STRN: variants seen among roughly 807,000 people sequenced by gnomAD.
STRN encodes the protein protein phosphatase 2 regulatory subunit B'''alpha.
Under a neutral mutation model 96.3 loss-of-function variants are expected in STRN, and 53 were observed. The ratio of observed to expected loss-of-function variants is 0.55; its 90% confidence interval spans 0.44 to 0.69. STRN has a LOEUF of 0.69. STRN is among the 30% of genes least tolerant of loss of function. The probability of loss-of-function intolerance (pLI) is 0.00; values close to 1 mark genes in which losing one functional copy is unlikely to be tolerated. For synonymous variants in STRN, 428 were observed against 355.9 expected (o/e 1.20, Z -2.28); for missense variants, 987 against 963.9 (o/e 1.02, Z -0.32).
rs1668886191 is a variant in STRN at position 36,875,669 on chromosome 2, T to TC, written c.1323+2221_1323+2222insG. ...TTGGAAATAGAAATGATTTTTTTTT[T>TC]TTTTTGAGAGGGAGTCTCGCTCTAT... On this transcript the variant is annotated intron_variant, in intron 10 of 17. Transcript: ENST00000263918. Among the ~76,000 whole-genome samples the TC allele has an allele frequency of 2.0e-5, 3 of 151,340 alleles. No homozygotes were observed. In the South Asian group the frequency reaches 6.3e-4, roughly 32 times the overall value.
intron 1 of STRN, among the ~76,000 whole-genome samples, chr2:36,932,165 CT>C (rs1049076262): frequency 2.0e-5 from 3 of 149,642 alleles, no homozygotes; most frequent in Non-Finnish European, 4.5e-5. Context: ...GCTAGTTTTA[CT>C]TTTTTTTTGA....
chr2:36,869,450 A>G (rs1668709778), intron 11 of STRN, 104 bp downstream of exon 11: 4 of 1,087,038 alleles, frequency 3.7e-6, no homozygotes, highest in Non-Finnish European at 2.5e-6. Flanking sequence ...AGAAAGAACT[A>G]GAAGAAATGT....
In STRN at chr2:36,849,214, T is replaced by A. The variant is rs577864386; in HGVS notation, c.*242A>T. ...ACCACCTCAGAAATAAAGGCGCCTA[T>A]TGGGGAGAAATTTGAAACAGACCTC... On this transcript the variant is annotated 3_prime_UTR_variant, in exon 18 of 18. Coordinates refer to ENST00000263918, the MANE Select transcript of STRN (RefSeq NM_003162.4). 1.3e-5 allele frequency: 6 copies of A among 469,038 alleles called. No homozygotes were observed. In the South Asian group the frequency reaches 2.0e-4, roughly 16 times the overall value. The allele number at this position is 469,038 out of a possible 1,614,324, so 29.1% of individuals were successfully genotyped here.
chr2:36,858,374 A>G (rs889910638), intron 13 of STRN, among the ~76,000 whole-genome samples: 4 of 150,942 alleles, frequency 2.7e-5, no homozygotes, highest in African/African-American at 7.4e-5. Flanking sequence ...ACCACAACTC[A>G]CACTCCCTGA....
chr2:36,846,387 T>TTTTATATATATATA lies in STRN; in HGVS notation c.*3068_*3069insTATATATATATAAA, dbSNP rs1314756009. 4.2e-4 allele frequency: 33 copies of TTTTATATATATATA among 78,340 alleles called. No homozygotes were observed. The highest frequency in any genetic ancestry group is 5.8e-4 in the Non-Finnish European group (27 of 46,194). The allele number at this position is 78,340 out of a possible 1,614,324, so 4.9% of individuals were successfully genotyped here. On this transcript the variant is annotated 3_prime_UTR_variant, in exon 18 of 18. Transcript: ENST00000263918. ...CAAAACAGTAAAATGCACCTATGGT[T>TTTTATATATATATA]TATATATATATATATATATATATAT...
At chr2:36,879,035 G>A (rs1173254442) in intron 9 of STRN, among the ~76,000 whole-genome samples, 3 of 151,770 alleles carry the variant, frequency 2.0e-5, no homozygotes, top group Non-Finnish European at 4.4e-5. Flanking sequence ...TTACAGGCAT[G>A]AGCCACTGCA....
intron 6 of STRN, among the ~76,000 whole-genome samples, chr2:36,896,449 A>G (rs1290226297): frequency 6.6e-6 from 1 of 152,224 alleles, no homozygotes; most frequent in Non-Finnish European, 1.5e-5. Context: ...CAGAATCGGA[A>G]GAGGTAGAGT....
At position 36,846,289 on chromosome 2, in the gene STRN, C is replaced by T. The variant is rs1668071445; in HGVS notation, c.*3167G>A. On this transcript the variant is annotated 3_prime_UTR_variant, in exon 18 of 18. Transcript: ENST00000263918. ...ACACTTAGAACTATATATTATACTG[C>T]AAAAGCAAACAGCACAACACTCATC... 6.8e-6 allele frequency: 1 copy of T among 146,524 alleles called. No individual in the cohort carries two copies. The highest frequency in any genetic ancestry group is 2.1e-4 in the South Asian group (1 of 4,718). The allele number at this position is 146,524 out of a possible 1,614,324, so 9.1% of individuals were successfully genotyped here.
Position 36,846,489 on chromosome 2 carries a change from C to A in STRN, c.*2967G>T, listed in dbSNP as rs1410001699. On this transcript the variant is annotated 3_prime_UTR_variant, in exon 18 of 18. Transcript: ENST00000263918. ...AATATATATTTATAAAATATACATACATTTTAGACATTTTCAAATAAATCT... is the reference window on the plus strand; with the variant it reads ...AATATATATTTATAAAATATACATAAATTTTAGACATTTTCAAATAAATCT... 1.5e-5 allele frequency: 2 copies of A among 132,298 alleles called. No individual in the cohort carries two copies. The highest frequency in any genetic ancestry group is 3.0e-5 in the African/African-American group (1 of 33,836). The allele number at this position is 132,298 out of a possible 1,614,324, so 8.2% of individuals were successfully genotyped here.
chr2:36,948,620 A>C (rs1321300819), intron 1 of STRN, among the ~76,000 whole-genome samples: 2 of 152,324 alleles, frequency 1.3e-5, no homozygotes, highest in Middle Eastern at 3.4e-3. Context: ...TGTGCTGTTG[A>C]CTGCTATATC....
intron 3 of STRN, among the ~76,000 whole-genome samples, chr2:36,915,232 AATATATATATATATAT>A (rs72466696): frequency 0.074 from 6,405 of 86,494 alleles, 609 homozygotes; most frequent in African/African-American, 0.21. Context: ...TGAATACATA[AATATATATATATATAT>A]ATATATATAT....
chr2:36,905,126 C>T (rs558697842), intron 4 of STRN, among the ~76,000 whole-genome samples: 6 of 152,118 alleles, frequency 3.9e-5, no homozygotes, highest in East Asian at 3.9e-4. Context: ...TGTGCCACCA[C>T]GCCCGGCTAA....
rs1334813720 is a variant in STRN, at chr2:36,966,457, C to G, written c.7G>C (p.Glu3Gln). 2.1e-6 allele frequency: 3 copies of G among 1,456,450 alleles called. No individual in the cohort carries two copies. Among genetic ancestry groups the G allele is most frequent in the Non-Finnish European group, 1.8e-6 (2 of 1,106,490 alleles). 90.2% of individuals were successfully genotyped at this position (1,456,450 alleles called of 1,614,324 possible). A position where few individuals can be genotyped will look rare whatever the true frequency, so the allele number is the denominator to read the frequency against. Residue 3 changes from glutamate (E) to glutamine (Q), a missense_variant, in exon 1 of 18, where the codon GAG becomes CAG. By Grantham distance (29) the Glu-to-Gln change is conservative. Coordinates refer to ENST00000263918, the MANE Select transcript of STRN (RefSeq NM_003162.4). ...AAGAAGACGCCGGGACCCGCCTGCT[C>G]GTCCATGGCGGCCGCAGATACCCGG... MDEQAGPGVFFSN... is the reference protein window; with the variant it reads MDQQAGPGVFFSN...
At chr2:36,901,729 T>C (rs1669689169) in intron 5 of STRN, among the ~76,000 whole-genome samples, 2 of 152,174 alleles carry the variant, frequency 1.3e-5, no homozygotes, top group Admixed American at 1.3e-4. Context: ...CCTACAAAGT[T>C]GGAAATGTAT....
chr2:36,905,369 C>T (rs1346307355), intron 4 of STRN, among the ~76,000 whole-genome samples, 171 bp downstream of exon 4: 1 of 152,126 alleles, frequency 6.6e-6, no homozygotes, highest in Admixed American at 6.5e-5. Flanking sequence ...TAAGTTCTAC[C>T]ACACAGAAAA....
In STRN at chr2:36,838,179, T is replaced by C. The variant is rs1003684972; in HGVS notation, c.*11277A>G. Among the ~76,000 whole-genome samples, 7 of 152,162 alleles carry C rather than the reference T, an allele frequency of 4.6e-5. No individual in the cohort carries two copies. Among genetic ancestry groups the C allele is most frequent in the Admixed American group, 2.0e-4 (3 of 15,276 alleles). On this transcript the variant is annotated 3_prime_UTR_variant, in exon 18 of 18. Coordinates refer to ENST00000263918, the MANE Select transcript of STRN (RefSeq NM_003162.4). ...GATGCACCCTGGCAAGCTTTGAAGG[T>C]GGAAGGGACCACGTGCAAGGACCAC... is the stretch of plus-strand genomic sequence containing the variant.
At chr2:36,930,116 G>A (rs62132556) in intron 1 of STRN, among the ~76,000 whole-genome samples, 2 of 152,114 alleles carry the variant, frequency 1.3e-5, no homozygotes, top group Non-Finnish European at 2.9e-5. Flanking sequence ...ATCACTGCCT[G>A]TAGCCCTCTC....
At chr2:36,923,344 G>A (rs13385947) in intron 2 of STRN, among the ~76,000 whole-genome samples, 4,559 of 151,074 alleles carry the variant, frequency 0.03, 78 homozygotes, top group African/African-American at 0.045. Flanking sequence ...CCAGCAACTC[G>A]GGAGGCTGAG....
At chr2:36,947,660 A>G (rs904656531) in intron 1 of STRN, among the ~76,000 whole-genome samples, 1 of 151,200 alleles carries the variant, frequency 6.6e-6, no homozygotes, top group Admixed American at 6.6e-5. Flanking sequence ...TCTTTGACAG[A>G]GAAAGCACCA....
Sources: allele counts gnomAD v4.1 joint callset (sites outside exome capture counted in the v4.1 genomes callset), GRCh38; gene constraint gnomAD v4.1.1; transcripts MANE v1.5; gene names NCBI Gene and HGNC (gene_info 2026-07-23, HGNC 2026-07-21).